The following HIP1 variants were observed in gnomAD, a reference collection of about 807,000 sequenced individuals.
HIP1 encodes huntingtin-interacting protein 1.
In HIP1, 65 loss-of-function variants were observed where a neutral mutation model predicts 147.6. The observed-to-expected ratio is 0.44, with a 90% CI of 0.36 to 0.54. The LOEUF is 0.54. Ranked by LOEUF, HIP1 falls within the 20% of genes least tolerant of loss-of-function variation. The probability of loss-of-function intolerance (pLI) is 0.00; values close to 1 mark genes in which losing one functional copy is unlikely to be tolerated. For missense variants in HIP1, 1,061 were observed against 1,299.6 expected (o/e 0.82, Z 2.82); for synonymous variants, 479 against 504.0 (o/e 0.95, Z 0.67).
At chr7:75,667,021 G>A (rs782392732) in intron 1 of HIP1, among the ~76,000 whole-genome samples, 1 of 152,118 alleles carries the variant, frequency 6.6e-6, no homozygotes, top group Admixed American at 6.6e-5. Context: ...TATAGGTGGT[G>A]TATGTATAGG....
At chr7:75,602,967 A>T (rs587776223) in intron 1 of HIP1, among the ~76,000 whole-genome samples, 4 of 152,096 alleles carry the variant, frequency 2.6e-5, no homozygotes, top group Admixed American at 2.0e-4. Flanking sequence ...CACAGGGAGG[A>T]TGCTGCATGA....
chr7:75,560,955 T>G (rs1382937512), intron 13 of HIP1, among the ~76,000 whole-genome samples: 7 of 132,002 alleles, frequency 5.3e-5, no homozygotes, highest in Admixed American at 5.2e-4. Flanking sequence ...GTGATGCAAT[T>G]TTTTTTTTTT....
intron 1 of HIP1, among the ~76,000 whole-genome samples, chr7:75,648,171 G>A (rs1462719726): frequency 6.6e-6 from 1 of 152,172 alleles, no homozygotes; most frequent in Non-Finnish European, 1.5e-5. Context: ...GAGTAGCTGA[G>A]GCTGGTTGGA....
intron 29 of HIP1, among the ~76,000 whole-genome samples, chr7:75,541,648 A>G (rs587690924): frequency 6.6e-6 from 1 of 151,990 alleles, no homozygotes; most frequent in Non-Finnish European, 1.5e-5. Context: ...GTGAGCCAAG[A>G]TCACGCCACT....
At chr7:75,554,760 T>A (rs902521547) in intron 19 of HIP1, among the ~76,000 whole-genome samples, 2 of 152,120 alleles carry the variant, frequency 1.3e-5, no homozygotes, top group African/African-American at 2.4e-5. Flanking sequence ...GCAGTAGCTA[T>A]CACACCTGGG....
At position 75,727,845 on chromosome 7, in the gene HIP1, CAA is replaced by C. The variant is rs1169732794; in HGVS notation, c.120+10954_120+10955del. On this transcript the variant is annotated intron_variant, in intron 1 of 30. Transcript: ENST00000336926. ...TAGGTGACAAAGCGAGACTCCATCT[CAA>C]AAAAAAAAAAAAAAAAACTTAGCAA... is the stretch of plus-strand genomic sequence containing the variant. 2.1e-3 allele frequency among the ~76,000 whole-genome samples: 142 copies of C among 67,268 alleles called. 1 individual carries two copies. Among genetic ancestry groups the C allele is most frequent in the African/African-American group, 6.6e-3 (118 of 17,786 alleles). 44.1% of individuals were successfully genotyped at this position (67,268 alleles called of 152,430 possible). A position where few individuals can be genotyped will look rare whatever the true frequency, so the allele number is the denominator to read the frequency against.
At chr7:75,680,582 GCTA>G (rs1157786843) in intron 1 of HIP1, among the ~76,000 whole-genome samples, 1 of 151,448 alleles carries the variant, frequency 6.6e-6, no homozygotes, top group Non-Finnish European at 1.5e-5. Flanking sequence ...TTGAAGGTTT[GCTA>G]CTGTTCTTAG....
In HIP1 at chr7:75,586,740, C is replaced by A. The variant is rs368456748; in HGVS notation, c.465+13G>T. On this transcript the variant is annotated intron_variant, in intron 5 of 30. Coordinates refer to ENST00000336926, the MANE Select transcript of HIP1 (RefSeq NM_005338.7). ...AGGCGGCGGTGGCGGCAGAACTGTCCGCAGAGACTCACTTTGGTGTGGTAC... is the reference window on the plus strand; with the variant it reads ...AGGCGGCGGTGGCGGCAGAACTGTCAGCAGAGACTCACTTTGGTGTGGTAC... The A allele has an allele frequency of 1.9e-6, 3 of 1,584,842 alleles. No homozygotes were observed. The African/African-American group carries it at 4.0e-5, about 21-fold the overall frequency.
At chr7:75,682,262 C>CT (rs1800110531) in intron 1 of HIP1, among the ~76,000 whole-genome samples, 4 of 149,008 alleles carry the variant, frequency 2.7e-5, no homozygotes, top group Admixed American at 6.8e-5. Context: ...AGCCTATCAT[C>CT]ATTTTTTTTT....
chr7:75,610,099 C>T (rs1434520888), intron 1 of HIP1, among the ~76,000 whole-genome samples: 2 of 151,678 alleles, frequency 1.3e-5, no homozygotes, highest in African/African-American at 2.4e-5. Flanking sequence ...GACAGGGTTT[C>T]GCCATGTTGG....
intron 1 of HIP1, among the ~76,000 whole-genome samples, chr7:75,603,235 C>A (rs1797075748): frequency 6.6e-6 from 1 of 151,112 alleles, no homozygotes; most frequent in African/African-American, 2.4e-5. Flanking sequence ...GTAGTCCTAG[C>A]TATTAGGGAG....
At chr7:75,575,652 C>T (rs1263870505) in intron 7 of HIP1, among the ~76,000 whole-genome samples, 2 of 152,072 alleles carry the variant, frequency 1.3e-5, no homozygotes, top group Non-Finnish European at 2.9e-5. Flanking sequence ...GGGCTCCCTC[C>T]ACACTAACCT....
chr7:75,553,788 G>A (rs1186276630), intron 21 of HIP1, among the ~76,000 whole-genome samples, 199 bp from the exon 22 acceptor site: 4 of 152,172 alleles, frequency 2.6e-5, no homozygotes, highest in African/African-American at 9.6e-5. Flanking sequence ...ATTTTTAGTA[G>A]AGACGGGGTT....
Position 75,705,429 on chromosome 7 carries a change from G to A in HIP1, c.120+33372C>T, listed in dbSNP as rs1411808887. On this transcript the variant is annotated intron_variant, in intron 1 of 30. Coordinates refer to ENST00000336926, the MANE Select transcript of HIP1 (RefSeq NM_005338.7). The stretch of plus-strand genomic sequence containing the variant: ...GTCGCCCAGGCTGGAGTACAGTGGC[G>A]CAATCTCGGCTCACTGCAACCTCCG... 8.0e-5 allele frequency among the ~76,000 whole-genome samples: 12 copies of A among 150,616 alleles called. No individual in the cohort carries two copies. In the East Asian group the frequency reaches 1.6e-3, roughly 20 times the overall value.
intron 1 of HIP1, among the ~76,000 whole-genome samples, chr7:75,736,250 G>A (rs1554523649): frequency 1.4e-5 from 2 of 147,568 alleles, no homozygotes; most frequent in East Asian, 2.0e-4. Context: ...CTGGATAGCA[G>A]GGAAACATAC....
chr7:75,620,386 T>TAA (rs34932997), intron 1 of HIP1, among the ~76,000 whole-genome samples: 28 of 67,056 alleles, frequency 4.2e-4, no homozygotes, highest in Admixed American at 1.3e-3. Flanking sequence ...ACCATGTCTT[T>TAA]AAAAAAAAAA....
intron 22 of HIP1, among the ~76,000 whole-genome samples, chr7:75,549,768 C>T (rs958869782): frequency 2.0e-5 from 3 of 151,632 alleles, no homozygotes; most frequent in African/African-American, 7.3e-5. Context: ...CTTCCATGCT[C>T]AAGCAATTCT....
At chr7:75,562,449 TG>T (rs1795259520) in intron 11 of HIP1, among the ~76,000 whole-genome samples, 1 of 152,130 alleles carries the variant, frequency 6.6e-6, no homozygotes, top group Non-Finnish European at 1.5e-5. Flanking sequence ...CCACCATACC[TG>T]GATAATTTTT....
intron 6 of HIP1, 83 bp from the exon 7 acceptor site, chr7:75,581,381 C>T: frequency 1.1e-6 from 1 of 943,234 alleles, no homozygotes; most frequent in Non-Finnish European, 1.7e-6. Context: ...CTCTACGCTA[C>T]TCCAGTCTCC....
Sources: gnomAD v4.1 joint callset for allele counts (sites outside exome capture counted in the v4.1 genomes callset) on GRCh38, gnomAD v4.1.1 for gene constraint, MANE v1.5 for transcripts, NCBI Gene and HGNC (gene_info 2026-07-23, HGNC 2026-07-21) for gene names.